EVI5L: variants seen among roughly 807,000 people sequenced by gnomAD.
The protein encoded by EVI5L is ecotropic viral integration site 5 like.
A neutral mutation model predicts 106.1 loss-of-function variants in EVI5L; 30 were observed. The ratio of observed to expected loss-of-function variants is 0.28; its 90% CI spans 0.21 to 0.38. The LOEUF (loss-of-function observed/expected upper bound fraction) is 0.38, where lower values mean the gene tolerates loss of function less well. Ranked by LOEUF, EVI5L falls within the 10% of genes least tolerant of loss-of-function variation. EVI5L has a pLI of 1.00. For synonymous variants in EVI5L, 489 were observed against 483.3 expected (o/e 1.01, Z -0.15); for missense variants, 809 against 1,098.0 (o/e 0.74, Z 3.72).
Position 7,853,174 on chromosome 19 carries a change from A to T in EVI5L, c.1076A>T (p.Lys359Met). 1 of 1,614,092 alleles carries T rather than the reference A, an allele frequency of 6.2e-7. No individual in the cohort carries two copies. The highest frequency in any genetic ancestry group is 8.5e-7 in the Non-Finnish European group (1 of 1,180,042). Reference protein sequence around the residue: ...KAYQVKYNPKKMKRLEKEYAA... With the variant: ...KAYQVKYNPKMMKRLEKEYAA... ...TACCAGGTCAAGTACAACCCCAAGA[A>T]GATGAAGAGGTCGGTGCCTGCTGGG... Residue 359 changes from lysine (K) to methionine (M), a missense_variant, in exon 9 of 20, where the codon AAG (lysine) becomes ATG (methionine). By Grantham distance (95) the Lys-to-Met change is moderately conservative (BLOSUM62 -1). This residue lies in a region of EVI5L where 357 missense variants were observed against 588.1 expected (regional missense o/e 0.61). Transcript: ENST00000538904.
chr19:7,834,280 C>T (rs779875999), intron 1 of EVI5L, among the ~76,000 whole-genome samples: 3 of 152,082 alleles, frequency 2.0e-5, no homozygotes, highest in Middle Eastern at 3.2e-3. Flanking sequence ...GCCAAGAACG[C>T]GCCACTGCAT....
At chr19:7,833,641 G>A (rs1351681836) in intron 1 of EVI5L, among the ~76,000 whole-genome samples, 1 of 152,218 alleles carries the variant, frequency 6.6e-6, no homozygotes, top group Admixed American at 6.5e-5. Flanking sequence ...ACACGCCCAA[G>A]AGGCAGGAGC....
At chr19:7,842,961 G>A (rs1231009099) in intron 1 of EVI5L, among the ~76,000 whole-genome samples, 3 of 102,480 alleles carry the variant, frequency 2.9e-5, no homozygotes, top group African/African-American at 1.1e-4. Context: ...GTGCATATGT[G>A]TAAACGTGTG....
intron 1 of EVI5L, among the ~76,000 whole-genome samples, chr19:7,846,262 A>T (rs570098410): frequency 6.6e-6 from 1 of 152,240 alleles, no homozygotes; most frequent in East Asian, 1.9e-4. Flanking sequence ...CAGTCCTCCC[A>T]TCTCCATCCA....
Position 7,863,326 on chromosome 19 carries a change from C to T in EVI5L, c.2139+46C>T. On this transcript the variant is annotated intron_variant, in intron 19 of 19. Transcript: ENST00000538904. This position sits in a 1 kb window ranked among gnomAD's most constrained non-coding sequence, Gnocchi z 7.7. ...CGGGGACAGGCCTGGGTGTCGTCGG[C>T]CTGGGACGAGCCGAGCGCAGGTGCC... 1 of 1,547,796 alleles carries T rather than the reference C, an allele frequency of 6.5e-7. No individual in the cohort carries two copies. The highest frequency in any genetic ancestry group is 8.7e-7 in the Non-Finnish European group (1 of 1,145,932).
rs146230352 is a variant in EVI5L, at chr19:7,837,483, T to C, written c.-48+7102T>C. The stretch of plus-strand genomic sequence containing the variant: ...TCTTCCATTCATATGATACATTTGT[T>C]GTAGTTAATGGGCCAGTATTGATAT... On this transcript the variant is annotated intron_variant, in intron 1 of 19. Transcript: ENST00000538904. 1.8e-3 allele frequency among the ~76,000 whole-genome samples: 281 copies of C among 152,332 alleles called. 2 individuals are homozygous for C. The highest frequency in any genetic ancestry group is 0.017 in the Middle Eastern group (5 of 294).
At chr19:7,854,240 C>T (rs1979413472) in intron 10 of EVI5L, among the ~76,000 whole-genome samples, 1 of 149,564 alleles carries the variant, frequency 6.7e-6, no homozygotes, top group African/African-American at 2.5e-5. Context: ...CAAGATTGTA[C>T]CGTTGCACTC....
At position 7,855,114 on chromosome 19, in the gene EVI5L, CTTTTTTT is replaced by C. The variant is rs200195743; in HGVS notation, c.1147-888_1147-882del. Among the ~76,000 whole-genome samples, 20 of 132,636 alleles carry C rather than the reference CTTTTTTT, an allele frequency of 1.5e-4. No individual in the cohort carries two copies. In the East Asian group the frequency reaches 2.6e-3, roughly 17 times the overall value. 87.0% of individuals were successfully genotyped at this position (132,636 alleles called of 152,430 possible). ...GAACCTAAAGTGCAAATATCTTTTT[CTTTTTTT>C]TTTTTTTTTTTTGGAGATGGAGTCT... On this transcript the variant is annotated intron_variant, in intron 10 of 19. Coordinates refer to ENST00000538904, the MANE Select transcript of EVI5L (RefSeq NM_001159944.3).
At chr19:7,862,929 C>A in intron 17 of EVI5L, 43 bp from the exon 18 acceptor site, 1 of 1,312,242 alleles carries the variant, frequency 7.6e-7, no homozygotes, top group Non-Finnish European at 1.0e-6. Context: ...ATGCGCCGCG[C>A]CCCCTGACCC....
intron 1 of EVI5L, 40 bp from the exon 2 acceptor site, chr19:7,846,456 C>T (rs2307001): frequency 0.76 from 1,128,858 of 1,488,064 alleles, 430,175 homozygotes; most frequent in South Asian, 0.84. Flanking sequence ...ATGGAGTGGG[C>T]TCCCACCCAA....
chr19:7,857,060 C>T lies in EVI5L; in HGVS notation c.1201-32C>T, dbSNP rs1322442966. On this transcript the variant is annotated intron_variant, in intron 11 of 19. Coordinates refer to ENST00000538904, the MANE Select transcript of EVI5L (RefSeq NM_001159944.3). This position sits in a 1 kb window ranked among gnomAD's most constrained non-coding sequence, Gnocchi z 4.5. ...CCGCGCCTTCCGCTCTGCCTCCTCC[C>T]CCTGTCGCTGGGAACCCCCTTCGCC... 28 of 1,551,858 alleles carry T rather than the reference C, an allele frequency of 1.8e-5. No individual in the cohort carries two copies. Among genetic ancestry groups the T allele is most frequent in the Admixed American group, 3.9e-5 (2 of 51,016 alleles).
At chr19:7,862,584 G>C (rs765581574) in intron 17 of EVI5L, 50 bp downstream of exon 17, 1 of 1,318,970 alleles carries the variant, frequency 7.6e-7, no homozygotes, top group Non-Finnish European at 9.6e-7. Flanking sequence ...CCCCGGACGC[G>C]CCCCTACATG....
intron 6 of EVI5L, 113 bp from the exon 7 acceptor site, chr19:7,851,321 C>T: frequency 7.7e-7 from 1 of 1,303,366 alleles, no homozygotes; most frequent in African/African-American, 1.5e-5. Flanking sequence ...GAGCCTCAGG[C>T]TGCCCAGCGC....
In EVI5L at chr19:7,864,941, G is replaced by A. The variant is rs1224701177; in HGVS notation, c.*1239G>A. ...CTGCCTGTTCACATGTCGCCCAGGC[G>A]GGAAAAATGGAAAATAAAGTGTATT... is the stretch of plus-strand genomic sequence containing the variant. On this transcript the variant is annotated 3_prime_UTR_variant, in exon 20 of 20. Coordinates refer to ENST00000538904, the MANE Select transcript of EVI5L (RefSeq NM_001159944.3). This position sits in a 1 kb window ranked among gnomAD's most constrained non-coding sequence, Gnocchi z 4.5. The A allele has an allele frequency of 2.6e-5, 4 of 152,474 alleles. No homozygotes were observed. Among genetic ancestry groups the A allele is most frequent in the Non-Finnish European group, 5.9e-5 (4 of 68,062 alleles). 9.4% of individuals were successfully genotyped at this position (152,474 alleles called of 1,614,324 possible). A position where few individuals can be genotyped will look rare whatever the true frequency, so the allele number is the denominator to read the frequency against.
At chr19:7,853,473 GC>G in intron 10 of EVI5L, 140 bp downstream of exon 10, 1 of 1,118,700 alleles carries the variant, frequency 8.9e-7, no homozygotes, top group Non-Finnish European at 1.3e-6. Context: ...ACAGGCCTCC[GC>G]CCACCTGCGC....
At chr19:7,846,987 C>G (rs535402328) in intron 2 of EVI5L, among the ~76,000 whole-genome samples, 1 of 152,160 alleles carries the variant, frequency 6.6e-6, no homozygotes, top group Non-Finnish European at 1.5e-5. Context: ...TTCCTCTGAC[C>G]CTACCCCCAT....
chr19:7,863,338 C>T lies in EVI5L; in HGVS notation c.2139+58C>T. ...TGGGTGTCGTCGGCCTGGGACGAGC[C>T]GAGCGCAGGTGCCTTGCGGAGGATG... On this transcript the variant is annotated intron_variant, in intron 19 of 19. Coordinates refer to ENST00000538904, the MANE Select transcript of EVI5L (RefSeq NM_001159944.3). The surrounding 1 kb of genome is among the most constrained non-coding windows in gnomAD (Gnocchi z 7.7). The T allele has an allele frequency of 6.5e-7, 1 of 1,546,522 alleles. No homozygotes were observed. Among genetic ancestry groups the T allele is most frequent in the Non-Finnish European group, 8.7e-7 (1 of 1,145,298 alleles).
At chr19:7,861,102 G>C (rs1979779629) in intron 14 of EVI5L, among the ~76,000 whole-genome samples, 1 of 152,138 alleles carries the variant, frequency 6.6e-6, no homozygotes, top group Non-Finnish European at 1.5e-5. Context: ...CTCTGACTTG[G>C]CATCGACTCC....
Position 7,862,218 on chromosome 19 carries a change from G to A in EVI5L, c.1741G>A (p.Ala581Thr). Reference sequence around the variant, plus strand: ...GCTGATGAGCGTGCGTCTGCGCGAGGCCCAGGCCCTGGCCGAGGGCCGCGA... The same window carrying A: ...GCTGATGAGCGTGCGTCTGCGCGAGACCCAGGCCCTGGCCGAGGGCCGCGA... Reference protein sequence around the residue: ...DELMSVRLREAQALAEGRELR... With the variant: ...DELMSVRLRETQALAEGRELR... Residue 581 changes from alanine to threonine, a missense_variant, in exon 16 of 20, where the codon GCC becomes ACC. Ala to Thr is a moderately conservative substitution (Grantham distance 58). Around this residue, in one of 2 missense-constraint regions of EVI5L, gnomAD observed 452 missense variants for 509.9 expected, o/e 0.89. Transcript: ENST00000538904. 4 of 1,572,478 alleles carry A rather than the reference G, an allele frequency of 2.5e-6. No individual in the cohort carries two copies. The highest frequency in any genetic ancestry group is 3.4e-6 in the Non-Finnish European group (4 of 1,160,784).
Sources: gnomAD v4.1 joint callset for allele counts (sites outside exome capture counted in the v4.1 genomes callset) on GRCh38, gnomAD v4.1.1 for gene constraint, gnomAD v4.1.1 regional missense constraint, Gnocchi (gnomAD v3.1) non-coding constraint, MANE v1.5 for transcripts, NCBI Gene and HGNC (gene_info 2026-07-23, HGNC 2026-07-21) for gene names.